GPR158: variants seen among roughly 807,000 people sequenced by gnomAD.
GPR158 encodes the protein G protein-coupled receptor 158.
In GPR158, 30 loss-of-function variants were observed where a neutral mutation model predicts 78.2. That is an observed-to-expected ratio of 0.38 (90% confidence interval 0.29 to 0.52). The LOEUF is 0.52. Ranked by LOEUF, GPR158 falls within the 20% of genes least tolerant of loss-of-function variation. GPR158 has a pLI of 0.83. For synonymous variants in GPR158, 581 were observed against 591.1 expected, an observed-to-expected ratio of 0.98 and a Z score of 0.25; for missense variants, 1,463 against 1,523.5, an observed-to-expected ratio of 0.96 and a Z score of 0.66.
rs1854473692 is a variant in GPR158, at chr10:25,293,796, A to G, written c.1008+72639A>G. 2.7e-5 allele frequency among the ~76,000 whole-genome samples: 4 copies of G among 149,940 alleles called. No individual in the cohort carries two copies. The Admixed American group carries it at 2.7e-4, about 10-fold the overall frequency. ...AGTTTCACACTGTTGCCTGAGCTGG[A>G]GTGCAGTGGCACGATCTTGGCTTAC... On this transcript the variant is annotated intron_variant, in intron 2 of 10. Coordinates refer to ENST00000376351, the MANE Select transcript of GPR158 (RefSeq NM_020752.3).
At chr10:25,251,004 G>A (rs1044711453) in intron 2 of GPR158, among the ~76,000 whole-genome samples, 10 of 151,644 alleles carry the variant, frequency 6.6e-5, no homozygotes, top group African/African-American at 2.4e-4. Context: ...CTCCTGTATT[G>A]GGTGCATATA....
chr10:25,439,427 C>G (rs564828595), intron 4 of GPR158, among the ~76,000 whole-genome samples: 1 of 152,258 alleles, frequency 6.6e-6, no homozygotes, highest in East Asian at 1.9e-4. Context: ...GAATACAATT[C>G]AAGATGAGAT....
At chr10:25,547,152 G>T (rs1282103071) in intron 5 of GPR158, among the ~76,000 whole-genome samples, 1 of 152,046 alleles carries the variant, frequency 6.6e-6, no homozygotes, top group Non-Finnish European at 1.5e-5. Context: ...AGATGAACTT[G>T]GTTTTTCTTT....
At chr10:25,300,649 A>C (rs1854578697) in intron 2 of GPR158, among the ~76,000 whole-genome samples, 2 of 152,194 alleles carry the variant, frequency 1.3e-5, no homozygotes, top group South Asian at 4.1e-4. Flanking sequence ...GGTCGTCACG[A>C]AACTTGCTTT....
intron 2 of GPR158, among the ~76,000 whole-genome samples, chr10:25,327,801 G>A (rs1180056093): frequency 6.6e-6 from 1 of 152,068 alleles, no homozygotes; most frequent in Non-Finnish European, 1.5e-5. Flanking sequence ...GAATGAAGAA[G>A]ATACTGAAAT....
In GPR158 at chr10:25,433,531, G is replaced by GGT. The variant is rs1554803584; in HGVS notation, c.1335+21073_1335+21074dup. On this transcript the variant is annotated intron_variant, in intron 4 of 10. Transcript: ENST00000376351. ...GCAAAAAGGAAATGGTTTAGTTAGGGGTGTGTGTGTGTGTGTTGTGTGTGT... is the reference window on the plus strand; with the variant it reads ...GCAAAAAGGAAATGGTTTAGTTAGGGGTGTGTGTGTGTGTGTGTTGTGTGTGT... Among the ~76,000 whole-genome samples the GGT allele has an allele frequency of 3.1e-3, 440 of 140,374 alleles. 8 individuals carry two copies. The highest frequency in any genetic ancestry group is 0.017 in the East Asian group (84 of 4,946). The allele number at this position is 140,374 out of a possible 152,430, so 92.1% of individuals were successfully genotyped here.
Position 25,176,883 on chromosome 10 carries a change from C to T in GPR158, c.902+561C>T, listed in dbSNP as rs1049608597. ...CTGTGCCATCTCCTCGCAGTTCCGGCCCCTCAGCAGTGAGTCAGTCCCAGC... is the reference window on the plus strand; with the variant it reads ...CTGTGCCATCTCCTCGCAGTTCCGGTCCCTCAGCAGTGAGTCAGTCCCAGC... On this transcript the variant is annotated intron_variant, in intron 1 of 10. Coordinates refer to ENST00000376351, the MANE Select transcript of GPR158 (RefSeq NM_020752.3). This position sits in a 1 kb window ranked among gnomAD's most constrained non-coding sequence, Gnocchi z 6.3. Among the ~76,000 whole-genome samples, 10 of 152,196 alleles carry T rather than the reference C, an allele frequency of 6.6e-5. No homozygotes were observed. Among genetic ancestry groups the T allele is most frequent in the African/African-American group, 2.4e-4 (10 of 41,448 alleles).
chr10:25,253,442 A>G (rs1014991770), intron 2 of GPR158, among the ~76,000 whole-genome samples: 3 of 152,186 alleles, frequency 2.0e-5, no homozygotes, highest in African/African-American at 4.8e-5. Flanking sequence ...AGAGCTATGA[A>G]ATGTCAACCT....
At chr10:25,291,617 A>G (rs902593112) in intron 2 of GPR158, among the ~76,000 whole-genome samples, 1 of 152,110 alleles carries the variant, frequency 6.6e-6, no homozygotes, top group African/African-American at 2.4e-5. Flanking sequence ...TCAGAACAAG[A>G]TTATATTTCA....
chr10:25,467,037 G>A (rs1378781836), intron 5 of GPR158, among the ~76,000 whole-genome samples: 1 of 152,132 alleles, frequency 6.6e-6, no homozygotes, highest in Non-Finnish European at 1.5e-5. Context: ...ATGTGCCCAG[G>A]GTGGTTGGGG....
intron 5 of GPR158, among the ~76,000 whole-genome samples, chr10:25,499,926 C>T (rs1835931396): frequency 1.3e-5 from 2 of 152,172 alleles, no homozygotes; most frequent in African/African-American, 4.8e-5. Context: ...TACCTAGGGC[C>T]TTGGTGACCA....
chr10:25,544,441 A>T (rs975087692), intron 5 of GPR158, among the ~76,000 whole-genome samples: 1 of 152,174 alleles, frequency 6.6e-6, no homozygotes, highest in African/African-American at 2.4e-5. Flanking sequence ...TCTTTAAAAT[A>T]GAGATAATAA....
At chr10:25,231,014 A>G (rs1390577344) in intron 2 of GPR158, among the ~76,000 whole-genome samples, 1 of 152,228 alleles carries the variant, frequency 6.6e-6, no homozygotes, top group Non-Finnish European at 1.5e-5. Context: ...AACCACTAAA[A>G]GATGTTTCCA....
Position 25,278,772 on chromosome 10 carries a change from A to G in GPR158, c.1008+57615A>G, listed in dbSNP as rs953037814. Among the ~76,000 whole-genome samples the G allele has an allele frequency of 8.6e-5, 13 of 151,598 alleles. No homozygotes were observed. The East Asian group carries it at 1.4e-3, about 16-fold the overall frequency. On this transcript the variant is annotated intron_variant, in intron 2 of 10. Transcript: ENST00000376351. ...TTAAAGTATTTAAATAATTAATAAA[A>G]TTAAGTTTATCTGAAGTCAAGTGCC...
intron 2 of GPR158, among the ~76,000 whole-genome samples, chr10:25,224,269 TA>T (rs1448430136): frequency 2.0e-5 from 3 of 151,952 alleles, no homozygotes; most frequent in South Asian, 2.1e-4. Context: ...GTTTGAAGTG[TA>T]AAAAAACCAT....
At chr10:25,200,868 GTTTTT>G (rs56696555) in intron 1 of GPR158, among the ~76,000 whole-genome samples, 1 of 113,304 alleles carries the variant, frequency 8.8e-6, no homozygotes. Context: ...TTTTTGTTTT[GTTTTT>G]TTTTTTTTTT....
chr10:25,214,924 C>T (rs570468774), intron 1 of GPR158, among the ~76,000 whole-genome samples: 74 of 152,286 alleles, frequency 4.9e-4, no homozygotes, highest in Non-Finnish European at 8.2e-4. Context: ...ATCACCCGGT[C>T]TGAGATACTT....
At chr10:25,531,718 G>T (rs1381480307) in intron 5 of GPR158, among the ~76,000 whole-genome samples, 1 of 152,154 alleles carries the variant, frequency 6.6e-6, no homozygotes, top group Admixed American at 6.5e-5. Flanking sequence ...AAAAGGTTTT[G>T]CATCAATCTT....
intron 2 of GPR158, among the ~76,000 whole-genome samples, chr10:25,284,196 T>C (rs1854315596): frequency 6.6e-6 from 1 of 152,122 alleles, no homozygotes; most frequent in Non-Finnish European, 1.5e-5. Flanking sequence ...TTCTGTCAGT[T>C]TCTGTGTGAG....
Sources: gnomAD v4.1 joint callset for allele counts (sites outside exome capture counted in the v4.1 genomes callset) on GRCh38, gnomAD v4.1.1 for gene constraint, Gnocchi (gnomAD v3.1) non-coding constraint, MANE v1.5 for transcripts, NCBI Gene and HGNC (gene_info 2026-07-23, HGNC 2026-07-21) for gene names.